TMEM132D: variants seen among roughly 807,000 people sequenced by gnomAD.
TMEM132D encodes transmembrane protein 132D, also known as mature OL transmembrane protein.
TMEM132D carries 21 observed loss-of-function variants against 62.3 expected under a neutral mutation model. The ratio of observed to expected loss-of-function variants is 0.34; its 90% CI spans 0.24 to 0.49. TMEM132D has a LOEUF of 0.49. Ranked by LOEUF, TMEM132D falls within the 20% of genes least tolerant of loss-of-function variation. TMEM132D has a pLI of 0.99. For synonymous variants in TMEM132D, 621 were observed against 575.6 expected (o/e 1.08, Z -1.13); for missense variants, 1,346 against 1,402.8 (o/e 0.96, Z 0.65).
At chr12:129,902,200 G>T (rs1472175920) in intron 1 of TMEM132D, among the ~76,000 whole-genome samples, 1 of 152,210 alleles carries the variant, frequency 6.6e-6, no homozygotes, top group African/African-American at 2.4e-5. Context: ...AGAACTCAGA[G>T]AACAGACAAT....
chr12:129,803,023 AC>A (rs1871849425), intron 1 of TMEM132D, among the ~76,000 whole-genome samples: 1 of 151,026 alleles, frequency 6.6e-6, no homozygotes, highest in Non-Finnish European at 1.5e-5. Flanking sequence ...ATACAGGAGC[AC>A]CCAGATTCAT....
intron 2 of TMEM132D, among the ~76,000 whole-genome samples, chr12:129,558,682 G>A (rs989983986): frequency 1.3e-5 from 2 of 152,212 alleles, no homozygotes; most frequent in African/African-American, 2.4e-5. Flanking sequence ...AAATGCAGAA[G>A]AGAATGTAAA....
intron 1 of TMEM132D, among the ~76,000 whole-genome samples, chr12:129,710,906 G>A (rs1881625602): frequency 6.6e-6 from 1 of 150,418 alleles, no homozygotes; most frequent in South Asian, 2.1e-4. Flanking sequence ...CAGCCTCAGT[G>A]CGCACGCTGC....
intron 2 of TMEM132D, among the ~76,000 whole-genome samples, chr12:129,576,265 T>G (rs1877656246): frequency 2.0e-5 from 3 of 151,908 alleles, no homozygotes; most frequent in Admixed American, 6.6e-5. Context: ...AATTTCTTCT[T>G]AAGTGTTGCT....
At chr12:129,085,981 A>C (rs756467025) in intron 5 of TMEM132D, 8 of 152,228 alleles carry the variant, frequency 5.3e-5, no homozygotes, top group Non-Finnish European at 1.2e-4. Context: ...CCACATCCTC[A>C]TCCTTGGTAT....
chr12:129,159,039 C>T (rs1413908641), intron 5 of TMEM132D, among the ~76,000 whole-genome samples: 2 of 152,170 alleles, frequency 1.3e-5, no homozygotes, highest in African/African-American at 4.8e-5. Context: ...CCACTAGGTC[C>T]CTCCTCTGAC....
chr12:129,523,789 A>G (rs1875927341), intron 3 of TMEM132D, among the ~76,000 whole-genome samples: 1 of 152,156 alleles, frequency 6.6e-6, no homozygotes, highest in South Asian at 2.1e-4. Flanking sequence ...CTGAAGTCTG[A>G]TTTCACAGAG....
At chr12:129,403,161 C>T (rs1003934371) in intron 3 of TMEM132D, among the ~76,000 whole-genome samples, 1 of 151,274 alleles carries the variant, frequency 6.6e-6, no homozygotes, top group African/African-American at 2.4e-5. Flanking sequence ...TCCAAACCAA[C>T]TCAGTGCCCA....
chr12:129,786,710 G>A (rs61943436), intron 1 of TMEM132D, among the ~76,000 whole-genome samples: 9,070 of 152,276 alleles, frequency 0.06, 322 homozygotes, highest in East Asian at 0.1. Context: ...GGCCAACATG[G>A]TGAAACCCGG....
chr12:129,080,266 G>A (rs950529997), intron 7 of TMEM132D, among the ~76,000 whole-genome samples: 23 of 152,316 alleles, frequency 1.5e-4, no homozygotes, highest in Middle Eastern at 3.4e-3. Context: ...GTAGACTTGC[G>A]TTTCTTCTTG....
chr12:129,272,788 C>T (rs1260735671), intron 4 of TMEM132D, among the ~76,000 whole-genome samples: 2 of 151,744 alleles, frequency 1.3e-5, no homozygotes, highest in South Asian at 2.1e-4. Flanking sequence ...AGGCCAGGCA[C>T]GGCGGCTCAC....
chr12:129,380,613 C>T (rs1282077687), intron 3 of TMEM132D, among the ~76,000 whole-genome samples: 1 of 152,018 alleles, frequency 6.6e-6, no homozygotes, highest in African/African-American at 2.4e-5. Context: ...ACCATCTCAT[C>T]ACGTGTGTTG....
chr12:129,409,063 G>T (rs771167145), intron 3 of TMEM132D, among the ~76,000 whole-genome samples: 1 of 152,038 alleles, frequency 6.6e-6, no homozygotes, highest in Non-Finnish European at 1.5e-5. Flanking sequence ...CCCCCAAGTA[G>T]CTGGGATTAC....
intron 1 of TMEM132D, among the ~76,000 whole-genome samples, chr12:129,773,823 G>A (rs180742613): frequency 8.5e-5 from 13 of 152,286 alleles, no homozygotes; most frequent in Admixed American, 8.5e-4. Context: ...TCACCAAGTG[G>A]TATTTATTTG....
intron 4 of TMEM132D, among the ~76,000 whole-genome samples, chr12:129,236,387 C>A (rs138723964): frequency 2.4e-3 from 364 of 151,376 alleles, no homozygotes; most frequent in African/African-American, 8.3e-3. Flanking sequence ...TGGTGGCGTG[C>A]GCCTGTGATC....
chr12:129,816,713 G>T (rs188232267), intron 1 of TMEM132D, among the ~76,000 whole-genome samples: 2 of 152,258 alleles, frequency 1.3e-5, no homozygotes, highest in African/African-American at 4.8e-5. Flanking sequence ...TTTCTAAGAC[G>T]TGTGTCACGG....
chr12:129,703,278 C>T (rs537409611), intron 1 of TMEM132D, among the ~76,000 whole-genome samples: 1 of 152,186 alleles, frequency 6.6e-6, no homozygotes, highest in Admixed American at 6.5e-5. Context: ...GCAATGACAT[C>T]GGGTCCTATG....
Position 129,612,234 on chromosome 12 carries a change from T to G in TMEM132D, c.969-81029A>C, listed in dbSNP as rs1002307293. The stretch of plus-strand genomic sequence containing the variant: ...GTCCTTGTTCACTGGCTGATCTTAC[T>G]AAGGGGAGGAATTCCCTGTCCATCA... On this transcript the variant is annotated intron_variant, in intron 2 of 8. Coordinates refer to ENST00000422113, the MANE Select transcript of TMEM132D (RefSeq NM_133448.3). Among the ~76,000 whole-genome samples, 35 of 152,308 alleles carry G rather than the reference T, an allele frequency of 2.3e-4. 1 individual carries two copies. The highest frequency in any genetic ancestry group is 8.4e-4 in the African/African-American group (35 of 41,588).
intron 3 of TMEM132D, among the ~76,000 whole-genome samples, chr12:129,461,604 G>C (rs1566076677): frequency 6.6e-6 from 1 of 151,980 alleles, no homozygotes; most frequent in Non-Finnish European, 1.5e-5. Flanking sequence ...CATCAAACTG[G>C]AAGACTAGAG....
Sources: allele counts gnomAD v4.1 joint callset (sites outside exome capture counted in the v4.1 genomes callset), GRCh38; gene constraint gnomAD v4.1.1; transcripts MANE v1.5; gene names NCBI Gene and HGNC (gene_info 2026-07-23, HGNC 2026-07-21).